The following SORCS2 variants were observed in gnomAD, a reference collection of about 807,000 sequenced individuals.
The protein encoded by SORCS2 is VPS10 domain-containing receptor SorCS2.
In SORCS2, 100 loss-of-function variants were observed where a neutral mutation model predicts 141.6. The observed-to-expected ratio is 0.71, with a 90% CI of 0.60 to 0.83. The LOEUF (loss-of-function observed/expected upper bound fraction) is 0.83, where lower values mean the gene tolerates loss of function less well. Ranked by LOEUF, SORCS2 falls within the 40% of genes least tolerant of loss-of-function variation. The probability of loss-of-function intolerance (pLI) is 0.00; values close to 1 mark genes in which losing one functional copy is unlikely to be tolerated. For synonymous variants in SORCS2, 789 were observed against 676.9 expected, an observed-to-expected ratio of 1.17 and a Z score of -2.57; for missense variants, 1,646 against 1,560.2, an observed-to-expected ratio of 1.05 and a Z score of -0.93.
chr4:7,322,015 C>T (rs991280419), intron 1 of SORCS2, among the ~76,000 whole-genome samples: 6 of 152,212 alleles, frequency 3.9e-5, no homozygotes, highest in African/African-American at 1.4e-4. Flanking sequence ...TGACTTGGTC[C>T]TAGTGAGGCT....
intron 2 of SORCS2, among the ~76,000 whole-genome samples, chr4:7,464,533 G>T (rs1020176229): frequency 6.6e-6 from 1 of 152,098 alleles, no homozygotes; most frequent in Admixed American, 6.6e-5. Context: ...TGCTGCAGAG[G>T]GATTTGCAGC....
Position 7,663,403 on chromosome 4 carries a change from C to T in SORCS2, c.953-950C>T, listed in dbSNP as rs564241591. ...TCCTGCCCCTGAGCTAGTCATTTCA[C>T]TGCATCTCCAGCCAGGCAGCCCCAC... is the stretch of plus-strand genomic sequence containing the variant. On this transcript the variant is annotated intron_variant, in intron 6 of 26. Coordinates refer to ENST00000507866, the MANE Select transcript of SORCS2 (RefSeq NM_020777.3). This position sits in a 1 kb window ranked among gnomAD's most constrained non-coding sequence, Gnocchi z 4.8. 6.6e-6 allele frequency among the ~76,000 whole-genome samples: 1 copy of T among 152,354 alleles called. No individual in the cohort carries two copies. The highest frequency in any genetic ancestry group is 2.1e-4 in the South Asian group (1 of 4,830).
intron 2 of SORCS2, among the ~76,000 whole-genome samples, chr4:7,514,299 C>T (rs542109684): frequency 3.9e-5 from 6 of 152,174 alleles, no homozygotes; most frequent in Admixed American, 3.9e-4. Context: ...CTGGCTCACA[C>T]CTAATACAAA....
chr4:7,627,187 G>C (rs537514724), intron 3 of SORCS2, among the ~76,000 whole-genome samples: 1 of 152,180 alleles, frequency 6.6e-6, no homozygotes, highest in South Asian at 2.1e-4. Context: ...GTTTCGCCTT[G>C]TTGCCCAGGC....
At chr4:7,287,313 A>G (rs367968751) in intron 1 of SORCS2, among the ~76,000 whole-genome samples, 133 of 152,370 alleles carry the variant, frequency 8.7e-4, no homozygotes, top group African/African-American at 3.1e-3. Flanking sequence ...TGAGGCCCCC[A>G]GGCAGCTGTA....
chr4:7,515,290 C>T (rs956821133), intron 2 of SORCS2, among the ~76,000 whole-genome samples: 10 of 152,210 alleles, frequency 6.6e-5, no homozygotes, highest in African/African-American at 1.7e-4. Context: ...GCCTCGGGCA[C>T]GCACGGCTGT....
At chr4:7,454,851 T>G (rs1160224217) in intron 2 of SORCS2, among the ~76,000 whole-genome samples, 3 of 92,246 alleles carry the variant, frequency 3.3e-5, no homozygotes, top group East Asian at 7.7e-4. Flanking sequence ...TGGGGTCAGG[T>G]GCTGTGTTGG....
intron 2 of SORCS2, among the ~76,000 whole-genome samples, chr4:7,479,225 A>G (rs548830527): frequency 4.2e-4 from 63 of 151,608 alleles, no homozygotes; most frequent in African/African-American, 1.5e-3. Context: ...AGGGTATGTG[A>G]CCGCACACAG....
At chr4:7,425,286 T>A (rs916116775) in intron 2 of SORCS2, among the ~76,000 whole-genome samples, 1 of 152,188 alleles carries the variant, frequency 6.6e-6, no homozygotes, top group Non-Finnish European at 1.5e-5. Context: ...GTGTGGCCTT[T>A]GGCAAGCACC....
At chr4:7,217,342 G>C (rs1452358685) in intron 1 of SORCS2, among the ~76,000 whole-genome samples, 3 of 152,174 alleles carry the variant, frequency 2.0e-5, no homozygotes, top group African/African-American at 7.2e-5. Context: ...CTGTGGGGTG[G>C]ATGAGTGGAT....
chr4:7,689,787 G>T (rs1430750723), intron 11 of SORCS2, among the ~76,000 whole-genome samples, 199 bp downstream of exon 11: 1 of 152,258 alleles, frequency 6.6e-6, no homozygotes, highest in Non-Finnish European at 1.5e-5. Context: ...TGGGCATATG[G>T]TATGTGTTGG....
At chr4:7,706,006 ACAGGGATGAGGCTGGGCTCTGTCTGGG>A (rs1359410974) in intron 14 of SORCS2, among the ~76,000 whole-genome samples, 2,788 of 146,632 alleles carry the variant, frequency 0.019, 314 homozygotes, top group Non-Finnish European at 0.027. Flanking sequence ...CTCTGCCTGG[ACAGGGATGAGGCTGGGCTCTGTCTGGG>A]CAGGGATGAG....
chr4:7,219,334 A>G (rs1728560874), intron 1 of SORCS2, among the ~76,000 whole-genome samples: 1 of 152,072 alleles, frequency 6.6e-6, no homozygotes, highest in Admixed American at 6.5e-5. Context: ...TTGGCTTTAG[A>G]ATATCTGCTA....
At chr4:7,559,393 G>A (rs754611059) in intron 3 of SORCS2, among the ~76,000 whole-genome samples, 7 of 152,208 alleles carry the variant, frequency 4.6e-5, no homozygotes, top group African/African-American at 1.4e-4. Flanking sequence ...GCACACAGAG[G>A]TCAGGGCGCA....
intron 3 of SORCS2, among the ~76,000 whole-genome samples, chr4:7,559,629 G>A (rs1343397440): frequency 6.6e-6 from 1 of 152,158 alleles, no homozygotes; most frequent in African/African-American, 2.4e-5. Context: ...TCAGCTGGAG[G>A]AGGCACAGGT....
chr4:7,722,047 T>C (rs546342876), intron 18 of SORCS2, among the ~76,000 whole-genome samples: 65 of 152,334 alleles, frequency 4.3e-4, no homozygotes, highest in Non-Finnish European at 8.5e-4. Flanking sequence ...TATACTACTT[T>C]TGTGGTCAGG....
chr4:7,403,997 A>ATATTT (rs1265288820), intron 2 of SORCS2, among the ~76,000 whole-genome samples: 3 of 18,980 alleles, frequency 1.6e-4, no homozygotes, highest in South Asian at 1.7e-3. Flanking sequence ...ATATATATAT[A>ATATTT]TTTTTTTTTT....
At chr4:7,318,030 T>C (rs759878974) in intron 1 of SORCS2, among the ~76,000 whole-genome samples, 4 of 152,184 alleles carry the variant, frequency 2.6e-5, no homozygotes, top group Non-Finnish European at 4.4e-5. Flanking sequence ...GCCTGTTTGA[T>C]GTGAAGGACG....
chr4:7,501,475 T>C (rs563913274), intron 2 of SORCS2, among the ~76,000 whole-genome samples: 1 of 152,052 alleles, frequency 6.6e-6, no homozygotes, highest in South Asian at 2.1e-4. Flanking sequence ...TTACGTGTTT[T>C]GATGATCCAG....
Sources: allele counts gnomAD v4.1 joint callset (sites outside exome capture counted in the v4.1 genomes callset), GRCh38; gene constraint gnomAD v4.1.1; non-coding constraint Gnocchi (gnomAD v3.1); transcripts MANE v1.5; gene names NCBI Gene and HGNC (gene_info 2026-07-23, HGNC 2026-07-21).